Variants in PIEZO2 observed in about 807,000 individuals in gnomAD.
PIEZO2 encodes the protein piezo type mechanosensitive ion channel component 2, also known as piezo-type mechanosensitive ion channel component 2.
A neutral mutation model predicts 337.3 loss-of-function variants in PIEZO2; 172 were observed. The observed-to-expected ratio is 0.51, with a 90% CI of 0.45 to 0.58. PIEZO2 has a LOEUF of 0.58. Ranked by LOEUF, PIEZO2 falls within the 20% of genes least tolerant of loss-of-function variation. PIEZO2 has a pLI of 0.00. For synonymous variants in PIEZO2, 1,251 were observed against 1,228.5 expected (o/e 1.02, Z -0.38); for missense variants, 3,028 against 3,391.3 (o/e 0.89, Z 2.66).
intron 36 of PIEZO2, 91 bp downstream of exon 36, chr18:10,731,316 C>T: frequency 1.4e-6 from 1 of 732,956 alleles, no homozygotes; most frequent in Non-Finnish European, 2.0e-6. Flanking sequence ...AAATCTTAAT[C>T]CCTCAGAAGT....
At position 10,877,563 on chromosome 18, in the gene PIEZO2, CAG is replaced by C. The variant is rs1363758460; in HGVS notation, c.330-6150_330-6149del. Among the ~76,000 whole-genome samples, 4 of 152,102 alleles carry C rather than the reference CAG, an allele frequency of 2.6e-5. No individual in the cohort carries two copies. Among genetic ancestry groups the C allele is most frequent in the Non-Finnish European group, 5.9e-5 (4 of 68,020 alleles). On this transcript the variant is annotated intron_variant, in intron 4 of 55. Transcript: ENST00000674853. This position sits in a 1 kb window ranked among gnomAD's most constrained non-coding sequence, Gnocchi z 5.3. ...GCTGTCATCAACCTAGTGACCAAAA[CAG>C]AACCTGGAAGCTTCCATTCTCTCAC...
chr18:10,973,422 C>T lies in PIEZO2; in HGVS notation c.286+6113G>A, dbSNP rs182120651. Among the ~76,000 whole-genome samples the T allele has an allele frequency of 6.6e-6, 1 of 152,324 alleles. No homozygotes were observed. The highest frequency in any genetic ancestry group is 1.5e-5 in the Non-Finnish European group (1 of 68,034). ...GAGCAGCAGTCTCCATCTAGGTCGGCATATGTCTCCGTGAGGCAGTGCCTC... is the reference window on the plus strand; with the variant it reads ...GAGCAGCAGTCTCCATCTAGGTCGGTATATGTCTCCGTGAGGCAGTGCCTC... On this transcript the variant is annotated intron_variant, in intron 3 of 55. Coordinates refer to ENST00000674853, the MANE Select transcript of PIEZO2 (RefSeq NM_001378183.1). The surrounding 1 kb of genome is among the most constrained non-coding windows in gnomAD (Gnocchi z 4.9).
intron 1 of PIEZO2, among the ~76,000 whole-genome samples, chr18:11,103,966 C>T (rs1568376263): frequency 6.6e-6 from 1 of 152,260 alleles, no homozygotes; most frequent in East Asian, 1.9e-4. Context: ...GCTGGAACTA[C>T]AGGCACGCAC....
At chr18:10,884,286 C>G (rs2042510035) in intron 4 of PIEZO2, among the ~76,000 whole-genome samples, 1 of 152,128 alleles carries the variant, frequency 6.6e-6, no homozygotes, top group Admixed American at 6.5e-5. Flanking sequence ...TCCACATTTT[C>G]TTTATTCATC....
At position 10,750,788 on chromosome 18, in the gene PIEZO2, C is replaced by A. The variant is rs1198303793; in HGVS notation, c.4168-601G>T. 1.3e-5 allele frequency among the ~76,000 whole-genome samples: 2 copies of A among 152,124 alleles called. No homozygotes were observed. The highest frequency in any genetic ancestry group is 4.8e-5 in the African/African-American group (2 of 41,428). On this transcript the variant is annotated intron_variant, in intron 28 of 55. Transcript: ENST00000674853. This position sits in a 1 kb window ranked among gnomAD's most constrained non-coding sequence, Gnocchi z 4.1. ...TTAAACAAGTATGAATCATTGCAAGCAAATACATAAATGTGACAGATACAT... is the reference window on the plus strand; with the variant it reads ...TTAAACAAGTATGAATCATTGCAAGAAAATACATAAATGTGACAGATACAT...
intron 2 of PIEZO2, among the ~76,000 whole-genome samples, chr18:11,024,703 C>T (rs2036467796): frequency 6.6e-6 from 1 of 151,928 alleles, no homozygotes; most frequent in Non-Finnish European, 1.5e-5. Flanking sequence ...TGCAATGGTG[C>T]AATCTCAGCT....
rs917265339 is a variant in PIEZO2 at position 10,821,714 on chromosome 18, A to T, written c.918-14440T>A. On this transcript the variant is annotated intron_variant, in intron 7 of 55. Transcript: ENST00000674853. This position sits in a 1 kb window ranked among gnomAD's most constrained non-coding sequence, Gnocchi z 4.2. ...TTTCATCAAAGATTCTACCCACAGC[A>T]CCATCCTGCGCCCTCCCTGTCTCTC... is the stretch of plus-strand genomic sequence containing the variant. Among the ~76,000 whole-genome samples, 2 of 152,056 alleles carry T rather than the reference A, an allele frequency of 1.3e-5. No homozygotes were observed. Among genetic ancestry groups the T allele is most frequent in the African/African-American group, 4.8e-5 (2 of 41,406 alleles).
chr18:10,840,708 T>G (rs2041163043), intron 7 of PIEZO2, among the ~76,000 whole-genome samples: 2 of 152,214 alleles, frequency 1.3e-5, no homozygotes, highest in South Asian at 2.1e-4. Flanking sequence ...TTAAGTCACT[T>G]TAACAGGCAT....
rs2034145158 is a variant in PIEZO2, at chr18:10,969,375, C to T, written c.286+10160G>A. Among the ~76,000 whole-genome samples the T allele has an allele frequency of 1.4e-5, 2 of 147,420 alleles. No homozygotes were observed. On this transcript the variant is annotated intron_variant, in intron 3 of 55. Transcript: ENST00000674853. This position sits in a 1 kb window ranked among gnomAD's most constrained non-coding sequence, Gnocchi z 4.5. ...GATTTGTCTTACAGCAAGGACTGGT[C>T]GGCATGGTGGGGAGCAGACGGGCGT...
rs1285831657 is a variant in PIEZO2, at chr18:11,096,795, C to G, written c.65-30573G>C. On this transcript the variant is annotated intron_variant, in intron 1 of 55. Transcript: ENST00000674853. This position sits in a 1 kb window ranked among gnomAD's most constrained non-coding sequence, Gnocchi z 4.6. ...GCTGACCACACTAACATAAAAAGCA[C>G]TCATTCTTCTGCATTTCCTGCTGCC... Among the ~76,000 whole-genome samples, 1 of 152,182 alleles carries G rather than the reference C, an allele frequency of 6.6e-6. No individual in the cohort carries two copies. The highest frequency in any genetic ancestry group is 6.5e-5 in the Admixed American group (1 of 15,276).
rs1568397732 is a variant in PIEZO2, at chr18:11,127,802, C to CGT, written c.64+20722_64+20723insAC. 8.4e-3 allele frequency among the ~76,000 whole-genome samples: 207 copies of CGT among 24,518 alleles called. No homozygotes were observed. The highest frequency in any genetic ancestry group is 0.049 in the African/African-American group (190 of 3,894). 16.1% of individuals were successfully genotyped at this position (24,518 alleles called of 152,430 possible). On this transcript the variant is annotated intron_variant, in intron 1 of 55. Transcript: ENST00000674853. This position sits in a 1 kb window ranked among gnomAD's most constrained non-coding sequence, Gnocchi z 4.5. ...ATGCATATACGTGTGTGTGTGTGTG[C>CGT]ATGTGTGTGTGTGTGTGTGTGTGTA...
intron 1 of PIEZO2, among the ~76,000 whole-genome samples, chr18:11,072,599 T>C (rs906772527): frequency 6.6e-6 from 1 of 152,248 alleles, no homozygotes; most frequent in Non-Finnish European, 1.5e-5. Context: ...CCCGGATCTA[T>C]GCATTTCACG....
In PIEZO2 at chr18:10,724,489, G is replaced by A. The variant is rs142047950; in HGVS notation, c.5030-6230C>T. ...AGCCTGGGCCCACCAAAGGCAATGC[G>A]GAGTACAGGGCCTGCTGGTCCTCTG... On this transcript the variant is annotated intron_variant, in intron 36 of 55. Transcript: ENST00000674853. The surrounding 1 kb of genome is among the most constrained non-coding windows in gnomAD (Gnocchi z 5.8). The A allele has an allele frequency of 7.7e-4, 316 of 408,690 alleles. No individual in the cohort carries two copies. The highest frequency in any genetic ancestry group is 4.8e-3 in the African/African-American group (233 of 48,794). The allele number at this position is 408,690 out of a possible 1,614,324, so 25.3% of individuals were successfully genotyped here.
chr18:10,969,394 C>T lies in PIEZO2; in HGVS notation c.286+10141G>A, dbSNP rs374964752. On this transcript the variant is annotated intron_variant, in intron 3 of 55. Coordinates refer to ENST00000674853, the MANE Select transcript of PIEZO2 (RefSeq NM_001378183.1). The surrounding 1 kb of genome is among the most constrained non-coding windows in gnomAD (Gnocchi z 4.5). Reference sequence around the variant, plus strand: ...ACTGGTCGGCATGGTGGGGAGCAGACGGGCGTGAGGATCATGACTCCCTGT... The same window carrying T: ...ACTGGTCGGCATGGTGGGGAGCAGATGGGCGTGAGGATCATGACTCCCTGT... 8.9e-4 allele frequency among the ~76,000 whole-genome samples: 136 copies of T among 152,168 alleles called. 1 individual carries two copies. The highest frequency in any genetic ancestry group is 3.1e-3 in the African/African-American group (128 of 41,524).
chr18:10,906,161 C>A (rs1598662329), intron 4 of PIEZO2, among the ~76,000 whole-genome samples: 1 of 152,232 alleles, frequency 6.6e-6, no homozygotes, highest in East Asian at 1.9e-4. Flanking sequence ...TTTGTTATCT[C>A]ATTGCAGAAG....
At chr18:11,115,825 TTTAA>T (rs1208969263) in intron 1 of PIEZO2, among the ~76,000 whole-genome samples, 1 of 152,214 alleles carries the variant, frequency 6.6e-6, no homozygotes, top group Admixed American at 6.5e-5. Context: ...AAGTGCTATA[TTTAA>T]TTAAACAAGT....
intron 2 of PIEZO2, among the ~76,000 whole-genome samples, chr18:11,000,011 T>A (rs1393067969): frequency 6.6e-6 from 1 of 152,158 alleles, no homozygotes; most frequent in Non-Finnish European, 1.5e-5. Flanking sequence ...ATCAAACTAA[T>A]ACAAATGAAG....
intron 1 of PIEZO2, among the ~76,000 whole-genome samples, chr18:11,138,745 G>T (rs2040558511): frequency 6.6e-6 from 1 of 152,226 alleles, no homozygotes; most frequent in South Asian, 2.1e-4. Context: ...ACAACATTCT[G>T]TAATGAGTAT....
chr18:10,820,339 G>GT (rs1763028517), intron 7 of PIEZO2, among the ~76,000 whole-genome samples: 1 of 149,722 alleles, frequency 6.7e-6, no homozygotes, highest in African/African-American at 2.5e-5. Flanking sequence ...GTGGTTCAGT[G>GT]GTTTTTTTTT....
Sources: allele counts gnomAD v4.1 joint callset (sites outside exome capture counted in the v4.1 genomes callset), GRCh38; gene constraint gnomAD v4.1.1; non-coding constraint Gnocchi (gnomAD v3.1); transcripts MANE v1.5; gene names NCBI Gene and HGNC (gene_info 2026-07-23, HGNC 2026-07-21).